The following TDRD9 variants were observed in gnomAD, a reference collection of about 807,000 sequenced individuals.
TDRD9 encodes the protein tudor domain containing 9.
Under a neutral mutation model 172.6 loss-of-function variants are expected in TDRD9, and 124 were observed. The observed-to-expected ratio is 0.72, with a 90% CI of 0.62 to 0.83. The LOEUF (loss-of-function observed/expected upper bound fraction) is 0.83, where lower values mean the gene tolerates loss of function less well. TDRD9 is among the 40% of genes least tolerant of loss of function. The pLI is 0.00. For synonymous variants in TDRD9, 619 were observed against 617.1 expected (o/e 1.00, Z -0.05); for missense variants, 1,479 against 1,714.1 (o/e 0.86, Z 2.42).
Position 104,052,184 on chromosome 14 carries a change from A to G in TDRD9, c.*102A>G. The G allele has an allele frequency of 1.3e-6, 1 of 757,580 alleles. No homozygotes were observed. Among genetic ancestry groups the G allele is most frequent in the East Asian group, 2.8e-5 (1 of 35,844 alleles). The allele number at this position is 757,580 out of a possible 1,614,324, so 46.9% of individuals were successfully genotyped here. ...ACTTTCCTCTGTGTCTGGGTGTTACAGTCTGTGCCCACTGCATCCTAAAGG... is the reference window on the plus strand; with the variant it reads ...ACTTTCCTCTGTGTCTGGGTGTTACGGTCTGTGCCCACTGCATCCTAAAGG... On this transcript the variant is annotated 3_prime_UTR_variant, in exon 36 of 36. Transcript: ENST00000409874.
intron 1 of TDRD9, among the ~76,000 whole-genome samples, chr14:103,942,899 A>G (rs1048144040): frequency 4.6e-5 from 7 of 152,214 alleles, no homozygotes; most frequent in Non-Finnish European, 8.8e-5. Flanking sequence ...ATAAACAGCT[A>G]GATAACTTTA....
chr14:104,015,829 G>A (rs1002948409), intron 21 of TDRD9, among the ~76,000 whole-genome samples, 152 bp from the exon 22 acceptor site: 6 of 152,148 alleles, frequency 3.9e-5, no homozygotes, highest in Non-Finnish European at 8.8e-5. Context: ...GTGACTTTCT[G>A]CTTGGTTGGT....
intron 34 of TDRD9, among the ~76,000 whole-genome samples, chr14:104,047,370 A>T (rs2035810581): frequency 6.6e-6 from 1 of 152,074 alleles, no homozygotes; most frequent in Non-Finnish European, 1.5e-5. Context: ...AGTTGTTTGT[A>T]GATTCCTTAG....
At chr14:104,004,489 C>T (rs2034372124) in intron 14 of TDRD9, among the ~76,000 whole-genome samples, 154 bp downstream of exon 14, 1 of 152,072 alleles carries the variant, frequency 6.6e-6, no homozygotes, top group African/African-American at 2.4e-5. Flanking sequence ...CGCGATTCTG[C>T]TGCCTCAGCC....
intron 35 of TDRD9, 82 bp downstream of exon 35, chr14:104,049,762 CAGGGCTGGCCG>C: frequency 8.0e-7 from 1 of 1,247,444 alleles, no homozygotes; most frequent in Non-Finnish European, 1.1e-6. Context: ...GGTTCAGAGC[CAGGGCTGGCCG>C]AGGGTCTGAG....
At chr14:103,973,663 G>GTGAACTGAGGC (rs1209545135) in intron 6 of TDRD9, among the ~76,000 whole-genome samples, 10 of 152,200 alleles carry the variant, frequency 6.6e-5, no homozygotes, top group Non-Finnish European at 1.3e-4. Flanking sequence ...TCTGTGTCCT[G>GTGAACTGAGGC]CAGTTCACTG....
rs2034513604 is a variant in TDRD9, at chr14:104,008,441, A to G, written c.2081A>G (p.Tyr694Cys). 2 of 1,566,888 alleles carry G rather than the reference A, an allele frequency of 1.3e-6. No homozygotes were observed. The highest frequency in any genetic ancestry group is 1.7e-4 in the Middle Eastern group (1 of 5,964). Residue 694 changes from tyrosine (Y) to cysteine (C), a missense_variant, in exon 20 of 36, where the codon TAC becomes TGC. Transcript: ENST00000409874. Reference protein sequence around the residue: ...KDELNWGRLNYIQIKRIREVA... With the variant: ...KDELNWGRLNCIQIKRIREVA... ...GAACTTAATTGGGGACGGTTAAATT[A>G]CATTCAAATCAAGAGAATTAGAGAG...
Position 103,963,194 on chromosome 14 carries a change from T to A in TDRD9, c.420+18T>A. The A allele has an allele frequency of 6.6e-7, 1 of 1,511,822 alleles. No individual in the cohort carries two copies. The highest frequency in any genetic ancestry group is 8.9e-7 in the Non-Finnish European group (1 of 1,119,968). The allele number at this position is 1,511,822 out of a possible 1,614,324, so 93.7% of individuals were successfully genotyped here. On this transcript the variant is annotated intron_variant, in intron 3 of 35. Coordinates refer to ENST00000409874, the MANE Select transcript of TDRD9 (RefSeq NM_153046.3). ...AGGAAGAGGTAAAATTGTTTTGTTATACTGTAATTTTGCTGTTTGAATACA... is the reference window on the plus strand; with the variant it reads ...AGGAAGAGGTAAAATTGTTTTGTTAAACTGTAATTTTGCTGTTTGAATACA...
chr14:103,941,991 T>G (rs2031265452), intron 1 of TDRD9: 2 of 328,760 alleles, frequency 6.1e-6, no homozygotes, highest in Non-Finnish European at 5.5e-6. Context: ...TAACACTTGC[T>G]GTGAAAAGTT....
chr14:104,034,204 T>TTTTTTG (rs2035377131), intron 31 of TDRD9, 135 bp downstream of exon 31: 1 of 551,832 alleles, frequency 1.8e-6, no homozygotes, highest in Non-Finnish European at 3.1e-6. Context: ...TTTTTTTTTT[T>TTTTTTG]TTTTGAGACA....
rs71126092 is a variant in TDRD9, at chr14:103,968,795, C to CAAAA, written c.766-1740_766-1737dup. ...TGGGCGACAGAGTGAGACTCTGTCTCAAAAAAAAAGAATAAAGTAGCTTGG... is the reference window on the plus strand; with the variant it reads ...TGGGCGACAGAGTGAGACTCTGTCTCAAAAAAAAAAAAAGAATAAAGTAGCTTGG... On this transcript the variant is annotated intron_variant, in intron 5 of 35. Coordinates refer to ENST00000409874, the MANE Select transcript of TDRD9 (RefSeq NM_153046.3). Among the ~76,000 whole-genome samples, 5 of 11,412 alleles carry CAAAA rather than the reference C, an allele frequency of 4.4e-4. 2 individuals carry two copies. Among genetic ancestry groups the CAAAA allele is most frequent in the Non-Finnish European group, 1.3e-3 (5 of 3,730 alleles). 7.5% of individuals were successfully genotyped at this position (11,412 alleles called of 152,430 possible).
In TDRD9 at chr14:104,026,859, G is replaced by T; in HGVS notation, c.3202G>T (p.Val1068Phe). The stretch of plus-strand genomic sequence containing the variant: ...CGTGGATGTGTACCAGTACTCAGGG[G>T]TCCAGGATGCCATCAACATAAGAGA... ...LHVDVYQYSG[V>F]QDAINIRDVL... The change falls in exon 28 of 36, where the codon GTC (valine) becomes TTC (phenylalanine). Residue 1068 changes from valine (V) to phenylalanine (F), a missense_variant. Physicochemically the swap from Val to Phe is conservative, Grantham distance 50. Transcript: ENST00000409874. The T allele has an allele frequency of 6.2e-7, 1 of 1,614,046 alleles. No homozygotes were observed. Among genetic ancestry groups the T allele is most frequent in the Non-Finnish European group, 8.5e-7 (1 of 1,179,892 alleles).
At chr14:104,038,917 A>G (rs1175348002) in intron 32 of TDRD9, among the ~76,000 whole-genome samples, 1 of 152,104 alleles carries the variant, frequency 6.6e-6, no homozygotes, top group East Asian at 1.9e-4. Flanking sequence ...TGATCTGCCC[A>G]CTTCAGCCTC....
intron 34 of TDRD9, among the ~76,000 whole-genome samples, chr14:104,043,971 G>A (rs1277545171): frequency 6.6e-6 from 1 of 152,188 alleles, no homozygotes; most frequent in African/African-American, 2.4e-5. Context: ...TCGTCGCCAT[G>A]TGTGGGAAGA....
chr14:104,032,140 TA>T, intron 30 of TDRD9, 53 bp downstream of exon 30: 1 of 1,065,564 alleles, frequency 9.4e-7, no homozygotes, highest in Non-Finnish European at 1.4e-6. Flanking sequence ...TTTCTGTTTA[TA>T]GATCTCATCA....
At chr14:103,934,257 C>T (rs1434496110) in intron 1 of TDRD9, among the ~76,000 whole-genome samples, 3 of 152,214 alleles carry the variant, frequency 2.0e-5, no homozygotes, top group Admixed American at 6.5e-5. Context: ...AAGCAGTCCT[C>T]TCCTCTGGGC....
chr14:103,967,714 A>G (rs2032813027), intron 5 of TDRD9, among the ~76,000 whole-genome samples: 1 of 152,114 alleles, frequency 6.6e-6, no homozygotes, highest in African/African-American at 2.4e-5. Flanking sequence ...TTGGTGGGAG[A>G]GTAGGAGAGG....
Position 103,974,198 on chromosome 14 carries a change from T to C in TDRD9, c.847-1191T>C, listed in dbSNP as rs370957829. The stretch of plus-strand genomic sequence containing the variant: ...GCCTGGGTGGTAGAGCCAGAACTTG[T>C]CTCAAAAATAAAAAAGTTTACTTTT... On this transcript the variant is annotated intron_variant, in intron 6 of 35. Transcript: ENST00000409874. 1.3e-4 allele frequency among the ~76,000 whole-genome samples: 20 copies of C among 152,252 alleles called. No individual in the cohort carries two copies. In the South Asian group the frequency reaches 2.7e-3, roughly 21 times the overall value.
chr14:103,965,219 A>C lies in TDRD9; in HGVS notation c.421-114A>C. On this transcript the variant is annotated intron_variant, in intron 3 of 35. Transcript: ENST00000409874. ...AGAGCGAGACTCCATCTCAAACAAAACAAAACAAAACTTTAAGATGAAAGA... is the reference window on the plus strand; with the variant it reads ...AGAGCGAGACTCCATCTCAAACAAACCAAAACAAAACTTTAAGATGAAAGA... 4 of 1,173,820 alleles carry C rather than the reference A, an allele frequency of 3.4e-6. No homozygotes were observed. The South Asian group carries it at 4.5e-5, about 13-fold the overall frequency. 72.7% of individuals were successfully genotyped at this position (1,173,820 alleles called of 1,614,324 possible). A position where few individuals can be genotyped will look rare whatever the true frequency, so the allele number is the denominator to read the frequency against.
Sources: allele counts gnomAD v4.1 joint callset (sites outside exome capture counted in the v4.1 genomes callset), GRCh38; gene constraint gnomAD v4.1.1; transcripts MANE v1.5; gene names NCBI Gene and HGNC (gene_info 2026-07-23, HGNC 2026-07-21).